The following CDH12 variants were observed in gnomAD, a reference collection of about 807,000 sequenced individuals.
CDH12 encodes cadherin-12.
CDH12 carries 41 observed loss-of-function variants against 74.1 expected under a neutral mutation model. That is an observed-to-expected ratio of 0.55 (90% CI 0.43 to 0.72). CDH12 has a LOEUF of 0.72. Among genes scored for constraint, CDH12 ranks in the 30% least tolerant of loss-of-function variants. The pLI, the probability that CDH12 is intolerant of heterozygous loss-of-function variation, is 0.00. For missense variants in CDH12, 945 were observed against 977.2 expected (o/e 0.97, Z 0.44); for synonymous variants, 399 against 355.0 (o/e 1.12, Z -1.39).
chr5:22,000,297 T>G (rs1736529759), intron 5 of CDH12, among the ~76,000 whole-genome samples: 1 of 152,092 alleles, frequency 6.6e-6, no homozygotes, highest in South Asian at 2.1e-4. Context: ...GTTTTTTGGT[T>G]ATTTGTTTTT....
In CDH12 at chr5:22,624,025, T is replaced by A. The variant is rs539043992; in HGVS notation, c.-522-118661A>T. Among the ~76,000 whole-genome samples, 65 of 152,244 alleles carry A rather than the reference T, an allele frequency of 4.3e-4. 2 individuals are homozygous for A. The South Asian group carries it at 0.013, about 32-fold the overall frequency. ...AAATAATACCACACATCTACAACCA[T>A]CTGATCTTTGACAAACCTGACAAAA... On this transcript the variant is annotated intron_variant, in intron 1 of 14. Coordinates refer to ENST00000382254, the MANE Select transcript of CDH12 (RefSeq NM_004061.5).
intron 4 of CDH12, among the ~76,000 whole-genome samples, chr5:22,182,176 T>G (rs1749685752): frequency 6.6e-6 from 1 of 152,228 alleles, no homozygotes; most frequent in East Asian, 1.9e-4. Context: ...GATCTTTCAT[T>G]TCTTAAATTT....
At chr5:22,396,751 G>C (rs1291511363) in intron 3 of CDH12, among the ~76,000 whole-genome samples, 1 of 152,054 alleles carries the variant, frequency 6.6e-6, no homozygotes, top group South Asian at 2.1e-4. Flanking sequence ...GTTGGAGGAA[G>C]TTTCAGCATT....
intron 1 of CDH12, among the ~76,000 whole-genome samples, chr5:22,550,988 G>C (rs1738538296): frequency 6.6e-6 from 1 of 152,118 alleles, no homozygotes; most frequent in African/African-American, 2.4e-5. Flanking sequence ...GAAACATACT[G>C]ACATGTAGCT....
intron 7 of CDH12, among the ~76,000 whole-genome samples, chr5:21,848,196 G>C (rs1230539115): frequency 1.4e-4 from 22 of 152,008 alleles, no homozygotes; most frequent in Admixed American, 1.4e-3. Context: ...TATAGCTATT[G>C]TATCATGAAA....
chr5:22,091,126 GA>G (rs1228607779), intron 4 of CDH12, among the ~76,000 whole-genome samples: 2 of 150,282 alleles, frequency 1.3e-5, no homozygotes, highest in Non-Finnish European at 3.0e-5. Context: ...TAGAAAGGTA[GA>G]AAAAAATTTG....
chr5:22,649,409 T>G (rs190359611), intron 1 of CDH12, among the ~76,000 whole-genome samples: 1 of 152,148 alleles, frequency 6.6e-6, no homozygotes, highest in African/African-American at 2.4e-5. Context: ...TGCATTGTGG[T>G]ACCACACACA....
intron 6 of CDH12, among the ~76,000 whole-genome samples, chr5:21,910,071 T>G (rs1753798783): frequency 6.6e-6 from 1 of 152,136 alleles, no homozygotes; most frequent in African/African-American, 2.4e-5. Flanking sequence ...TATTCTACTA[T>G]CTACAGGAGT....
chr5:22,662,452 A>G (rs1038094188), intron 1 of CDH12, among the ~76,000 whole-genome samples: 7 of 152,322 alleles, frequency 4.6e-5, no homozygotes, highest in African/African-American at 1.7e-4. Flanking sequence ...TCAAGGAGTC[A>G]TACGGAACAA....
chr5:22,237,940 G>A (rs940476679), intron 3 of CDH12, among the ~76,000 whole-genome samples: 70 of 152,292 alleles, frequency 4.6e-4, no homozygotes, highest in African/African-American at 1.6e-3. Flanking sequence ...TGTAGACACA[G>A]CTAAAATTAC....
chr5:21,863,560 T>C (rs900839066), intron 6 of CDH12, among the ~76,000 whole-genome samples: 2 of 152,142 alleles, frequency 1.3e-5, no homozygotes, highest in African/African-American at 4.8e-5. Flanking sequence ...AGTACTCACA[T>C]AGACTTTTAC....
intron 3 of CDH12, among the ~76,000 whole-genome samples, chr5:22,356,498 A>G (rs1199573038): frequency 6.6e-6 from 1 of 152,110 alleles, no homozygotes; most frequent in Non-Finnish European, 1.5e-5. Context: ...CATGTTCTGG[A>G]GTACTTCAGG....
chr5:22,764,867 C>T (rs193018951), intron 1 of CDH12, among the ~76,000 whole-genome samples: 143 of 151,926 alleles, frequency 9.4e-4, no homozygotes, highest in Non-Finnish European at 1.7e-3. Context: ...CAAAGAAAGT[C>T]GGAGAAATTG....
At chr5:22,827,246 C>A (rs1020142541) in intron 1 of CDH12, among the ~76,000 whole-genome samples, 7 of 152,118 alleles carry the variant, frequency 4.6e-5, no homozygotes, top group African/African-American at 1.7e-4. Flanking sequence ...GTTGAGCCTG[C>A]GAGTACACAG....
chr5:22,742,239 GAAAGA>G lies in CDH12; in HGVS notation c.-523+110814_-523+110818del, dbSNP rs546068760. On this transcript the variant is annotated intron_variant, in intron 1 of 14. Transcript: ENST00000382254. ...GAGAGAGAGAAAGAAAGAGAGAAAG[GAAAGA>G]AAAGAAAAGAAAAGACCTTCCAAGA... 2.0e-3 allele frequency among the ~76,000 whole-genome samples: 303 copies of G among 151,624 alleles called. 1 individual carries two copies. Among genetic ancestry groups the G allele is most frequent in the Middle Eastern group, 3.4e-3 (1 of 294 alleles).
chr5:22,146,500 T>A (rs1337346389), intron 4 of CDH12, among the ~76,000 whole-genome samples: 2 of 151,962 alleles, frequency 1.3e-5, no homozygotes, highest in Non-Finnish European at 2.9e-5. Flanking sequence ...ATAGAAAAAA[T>A]AACTTGGTAA....
At chr5:22,097,744 C>T (rs1360720389) in intron 4 of CDH12, among the ~76,000 whole-genome samples, 1 of 152,038 alleles carries the variant, frequency 6.6e-6, no homozygotes, top group Non-Finnish European at 1.5e-5. Flanking sequence ...TATAAGACAC[C>T]TCTACTCCCT....
At chr5:22,756,842 C>G (rs1037273618) in intron 1 of CDH12, among the ~76,000 whole-genome samples, 2 of 151,918 alleles carry the variant, frequency 1.3e-5, no homozygotes, top group Non-Finnish European at 2.9e-5. Flanking sequence ...TGCCTGTAAT[C>G]CCAACTACTC....
intron 1 of CDH12, among the ~76,000 whole-genome samples, chr5:22,665,004 C>T (rs113703663): frequency 0.024 from 3,718 of 152,218 alleles, 42 homozygotes; most frequent in Middle Eastern, 0.058. Flanking sequence ...AGTGCAGTGG[C>T]TATTCACAGG....
Sources: allele counts gnomAD v4.1 joint callset (sites outside exome capture counted in the v4.1 genomes callset), GRCh38; gene constraint gnomAD v4.1.1; transcripts MANE v1.5; gene names NCBI Gene and HGNC (gene_info 2026-07-23, HGNC 2026-07-21).